VWCE: variants seen among roughly 807,000 people sequenced by gnomAD.
VWCE encodes von Willebrand factor C and EGF domain-containing protein.
Under a neutral mutation model 102.9 loss-of-function variants are expected in VWCE, and 68 were observed. That is an observed-to-expected ratio of 0.66 (90% CI 0.54 to 0.81). The LOEUF is 0.81. Among genes scored for constraint, VWCE ranks in the 30% least tolerant of loss-of-function variants. VWCE has a pLI of 0.00. For synonymous variants in VWCE, 497 were observed against 515.4 expected (o/e 0.96, Z 0.48); for missense variants, 1,137 against 1,263.6 (o/e 0.90, Z 1.52).
intron 11 of VWCE, 43 bp from the exon 12 acceptor site, chr11:61,274,627 G>A: frequency 6.3e-7 from 1 of 1,598,224 alleles, no homozygotes; most frequent in South Asian, 1.1e-5. Flanking sequence ...TCTTTGGGCA[G>A]AGGCAGCTAA....
chr11:61,275,936 C>T (rs1854889880), intron 11 of VWCE, among the ~76,000 whole-genome samples: 1 of 152,230 alleles, frequency 6.6e-6, no homozygotes. Context: ...GAAAGCTGGG[C>T]TGTGAGCACA....
In VWCE at chr11:61,265,108, C is replaced by A. The variant is rs371658166; in HGVS notation, c.2056+14G>T. ...GCCGGGAACCTGGCACGTGGGGCAG[C>A]TGGTCCCACTCACCTCGGCACACGG... On this transcript the variant is annotated intron_variant, in intron 17 of 19. Transcript: ENST00000335613. 31 of 1,612,102 alleles carry A rather than the reference C, an allele frequency of 1.9e-5. No individual in the cohort carries two copies. The highest frequency in any genetic ancestry group is 2.6e-5 in the Non-Finnish European group (31 of 1,179,008).
chr11:61,258,477 T>A lies in VWCE; in HGVS notation c.*198A>T. 6 of 508,334 alleles carry A rather than the reference T, an allele frequency of 1.2e-5. No individual in the cohort carries two copies. The highest frequency in any genetic ancestry group is 1.8e-5 in the Non-Finnish European group (6 of 328,678). 31.5% of individuals were successfully genotyped at this position (508,334 alleles called of 1,614,324 possible). On this transcript the variant is annotated 3_prime_UTR_variant, in exon 20 of 20. Coordinates refer to ENST00000335613, the MANE Select transcript of VWCE (RefSeq NM_152718.2). Reference sequence around the variant, plus strand: ...GATGCTGACAGTGGAAACGACTTCCTCCATTCTTACAGCACATTCCAAACA... The same window carrying A: ...GATGCTGACAGTGGAAACGACTTCCACCATTCTTACAGCACATTCCAAACA...
rs1365372522 is a variant in VWCE, at chr11:61,294,846, T to C, written c.110+82A>G. 11 of 1,000,986 alleles carry C rather than the reference T, an allele frequency of 1.1e-5. No individual in the cohort carries two copies. The highest frequency in any genetic ancestry group is 1.5e-5 in the Non-Finnish European group (11 of 757,506). 62.0% of individuals were successfully genotyped at this position (1,000,986 alleles called of 1,614,324 possible). ...CCGACACGCGGCTGCCTGCGGCTCC[T>C]GAGCGCCCCTCCGCGCCTCTCGACT... On this transcript the variant is annotated intron_variant, in intron 1 of 19. Coordinates refer to ENST00000335613, the MANE Select transcript of VWCE (RefSeq NM_152718.2). This position sits in a 1 kb window ranked among gnomAD's most constrained non-coding sequence, Gnocchi z 6.3.
At chr11:61,272,889 CACAT>C (rs566131449) in intron 13 of VWCE, among the ~76,000 whole-genome samples, 2 of 151,858 alleles carry the variant, frequency 1.3e-5, no homozygotes, top group African/African-American at 4.8e-5. Flanking sequence ...CACAGAGAGA[CACAT>C]AGACATACTA....
At chr11:61,279,061 C>A (rs956138793) in intron 9 of VWCE, among the ~76,000 whole-genome samples, 17 of 143,938 alleles carry the variant, frequency 1.2e-4, no homozygotes, top group South Asian at 4.4e-4. Flanking sequence ...AAAACAAAAA[C>A]AAAAAAAAAA....
chr11:61,260,116 G>A (rs547162179), intron 19 of VWCE, among the ~76,000 whole-genome samples: 3 of 152,276 alleles, frequency 2.0e-5, no homozygotes, highest in South Asian at 2.1e-4. Context: ...TTAACCGGAC[G>A]TGGTGGCGCG....
At chr11:61,277,756 G>A (rs1371932741) in intron 10 of VWCE, among the ~76,000 whole-genome samples, 1 of 152,096 alleles carries the variant, frequency 6.6e-6, no homozygotes, top group Non-Finnish European at 1.5e-5. Context: ...AGCTGACCCC[G>A]AAGAGCTGCT....
chr11:61,290,728 T>C, intron 4 of VWCE, 71 bp downstream of exon 4: 1 of 1,532,284 alleles, frequency 6.5e-7, no homozygotes, highest in Non-Finnish European at 8.8e-7. Flanking sequence ...GAGACCATCC[T>C]GGCAGGAGGG....
chr11:61,283,865 C>T (rs1156500880), intron 5 of VWCE, among the ~76,000 whole-genome samples: 1 of 152,192 alleles, frequency 6.6e-6, no homozygotes, highest in Non-Finnish European at 1.5e-5. Context: ...GTAAAAGTTC[C>T]CTAGTGCTGT....
Position 61,258,697 on chromosome 11 carries a change from C to A in VWCE, c.2846G>T (p.Arg949Leu), listed in dbSNP as rs143205377. Residue 949 changes from arginine to leucine, a missense_variant, in exon 20 of 20, where the codon CGG (arginine) becomes CTG (leucine). Arg to Leu is a moderately radical substitution (Grantham distance 102, BLOSUM62 -2). This residue lies in a region of VWCE where 316 missense variants were observed against 319.3 expected (regional missense o/e 0.99). Transcript: ENST00000335613. ...GPQQPPVGAS[R>L]GEESTM Reference sequence around the variant, plus strand: ...TCCTTACATGGTGGACTCTTCCCCCCGAGAAGCCCCCACTGGGGGCTGCTG... The same window carrying A: ...TCCTTACATGGTGGACTCTTCCCCCAGAGAAGCCCCCACTGGGGGCTGCTG... 2 of 1,395,214 alleles carry A rather than the reference C, an allele frequency of 1.4e-6. No individual in the cohort carries two copies. The highest frequency in any genetic ancestry group is 2.6e-5 in the East Asian group (1 of 39,008). The allele number at this position is 1,395,214 out of a possible 1,614,324, so 86.4% of individuals were successfully genotyped here. A position where few individuals can be genotyped will look rare whatever the true frequency, so the allele number is the denominator to read the frequency against.
chr11:61,278,778 C>T (rs530113461), intron 9 of VWCE, among the ~76,000 whole-genome samples: 26 of 152,308 alleles, frequency 1.7e-4, no homozygotes, highest in Admixed American at 1.7e-3. Flanking sequence ...CAGTGGCTCA[C>T]ACCTGTAACC....
chr11:61,258,681 G>A lies in VWCE; in HGVS notation c.2862C>T (p.Thr954=). The A allele has an allele frequency of 7.2e-7, 1 of 1,394,234 alleles. No individual in the cohort carries two copies. The highest frequency in any genetic ancestry group is 2.6e-5 in the East Asian group (1 of 39,066). The allele number at this position is 1,394,234 out of a possible 1,614,324, so 86.4% of individuals were successfully genotyped here. ...PVGASRGEES[T]M ...CCCGGACACAGTGACCTCCTTACAT[G>A]GTGGACTCTTCCCCCCGAGAAGCCC... is the stretch of plus-strand genomic sequence containing the variant. Residue 954 remains threonine (T), a synonymous_variant, in exon 20 of 20, where the codon ACC becomes ACT. Transcript: ENST00000335613.
chr11:61,276,571 A>T, intron 11 of VWCE, 22 bp downstream of exon 11: 1 of 1,500,088 alleles, frequency 6.7e-7, no homozygotes, highest in Non-Finnish European at 8.9e-7. Flanking sequence ...AAAAAGCAAA[A>T]TGCTCCAAGA....
At chr11:61,278,545 G>T in intron 9 of VWCE, 69 bp from the exon 10 acceptor site, 1 of 1,388,894 alleles carries the variant, frequency 7.2e-7, no homozygotes, top group Non-Finnish European at 1.0e-6. Flanking sequence ...AGGTCTCGCT[G>T]CTTCTCCATG....
Position 61,281,909 on chromosome 11 carries a change from T to C in VWCE, c.664A>G (p.Asn222Asp). 1 of 1,613,202 alleles carries C rather than the reference T, an allele frequency of 6.2e-7. No individual in the cohort carries two copies. The highest frequency in any genetic ancestry group is 8.5e-7 in the Non-Finnish European group (1 of 1,179,492). The change falls in exon 7 of 20, where the codon AAC becomes GAC. Residue 222 changes from asparagine to aspartate, a missense_variant. This residue lies in a region of VWCE where 575 missense variants were observed against 625.9 expected (regional missense o/e 0.92). Coordinates refer to ENST00000335613, the MANE Select transcript of VWCE (RefSeq NM_152718.2). The stretch of plus-strand genomic sequence containing the variant: ...CTCTCCAATGGCCTCCGACACTCGT[T>C]TACATCTGCGGGAGAGCCTCGCTGC... ...HGNRHSCVDV[N>D]ECRRPLERRV...
Position 61,290,845 on chromosome 11 carries a change from G to A in VWCE, c.378C>T (p.Pro126=), listed in dbSNP as rs61741771. The change falls in exon 4 of 20, where the codon CCC becomes CCT. Residue 126 remains proline, a synonymous_variant. Transcript: ENST00000335613. Reference sequence around the variant, plus strand: ...CTGTCTCCGTCATCGAGAAGCCCACGGGGCACACTCGGGCCACCTCCTGAC... The same window carrying A: ...CTGTCTCCGTCATCGAGAAGCCCACAGGGCACACTCGGGCCACCTCCTGAC... ...GGCQEVARVC[P]VGFSMTETAV... The A allele has an allele frequency of 3.7e-4, 595 of 1,605,408 alleles. 3 individuals are homozygous for A. In the African/African-American group the frequency reaches 6.2e-3, roughly 17 times the overall value.
At chr11:61,282,966 G>A (rs1565227947) in intron 5 of VWCE, 61 bp from the exon 6 acceptor site, 4 of 1,421,668 alleles carry the variant, frequency 2.8e-6, no homozygotes, top group Non-Finnish European at 3.0e-6. Flanking sequence ...GAAATATATG[G>A]TCCCCTCTTC....
chr11:61,289,925 A>G (rs1188638575), intron 4 of VWCE, among the ~76,000 whole-genome samples: 2 of 152,244 alleles, frequency 1.3e-5, no homozygotes, highest in African/African-American at 4.8e-5. Context: ...CGCTCTGGAA[A>G]GATTGACAAG....
Sources: gnomAD v4.1 joint callset for allele counts (sites outside exome capture counted in the v4.1 genomes callset) on GRCh38, gnomAD v4.1.1 for gene constraint, gnomAD v4.1.1 regional missense constraint, Gnocchi (gnomAD v3.1) non-coding constraint, MANE v1.5 for transcripts, NCBI Gene and HGNC (gene_info 2026-07-23, HGNC 2026-07-21) for gene names.